SPATS1: variants seen among roughly 807,000 people sequenced by gnomAD.
SPATS1 encodes spermatogenesis associated serine rich 1.
A neutral mutation model predicts 33.6 loss-of-function variants in SPATS1; 23 were observed. The observed-to-expected ratio is 0.68, with a 90% CI of 0.49 to 0.97. SPATS1 has a LOEUF of 0.97. Among genes scored for constraint, SPATS1 ranks in the 50% least tolerant of loss-of-function variants. The probability of loss-of-function intolerance (pLI) is 0.00; values close to 1 mark genes in which losing one functional copy is unlikely to be tolerated. For missense variants in SPATS1, 327 were observed against 361.0 expected, an observed-to-expected ratio of 0.91 and a Z score of 0.76; for synonymous variants, 131 against 125.6, an observed-to-expected ratio of 1.04 and a Z score of -0.29.
chr6:44,366,216 C>T (rs1162039248), intron 5 of SPATS1, among the ~76,000 whole-genome samples: 1 of 151,786 alleles, frequency 6.6e-6, no homozygotes, highest in Non-Finnish European at 1.5e-5. Context: ...TCTCTGCCTC[C>T]CAGGTTCAAG....
chr6:44,353,494 T>C (rs539119597), intron 3 of SPATS1, among the ~76,000 whole-genome samples: 90 of 152,252 alleles, frequency 5.9e-4, no homozygotes, highest in South Asian at 4.8e-3. Context: ...CAAGCAATCT[T>C]CCCTTCTTGG....
chr6:44,353,117 T>G (rs568569087), intron 3 of SPATS1, among the ~76,000 whole-genome samples: 6 of 152,300 alleles, frequency 3.9e-5, no homozygotes, highest in Non-Finnish European at 5.9e-5. Context: ...GTTGTGAGGA[T>G]TAATTGAGTT....
At chr6:44,362,041 G>A (rs374644539) in intron 5 of SPATS1, 49 bp downstream of exon 5, 5 of 1,610,842 alleles carry the variant, frequency 3.1e-6, no homozygotes, top group East Asian at 2.2e-5. Flanking sequence ...AAAAACTCTC[G>A]AGTCGTGATT....
intron 7 of SPATS1, among the ~76,000 whole-genome samples, chr6:44,373,590 T>C (rs1789757080): frequency 6.6e-6 from 1 of 152,226 alleles, no homozygotes; most frequent in African/African-American, 2.4e-5. Flanking sequence ...CTTTAAATAG[T>C]GTAGTAATTG....
chr6:44,360,613 C>A, intron 4 of SPATS1, 43 bp downstream of exon 4: 1 of 1,610,270 alleles, frequency 6.2e-7, no homozygotes, highest in South Asian at 1.1e-5. Flanking sequence ...TGCCCCAGGT[C>A]TTTTCAGAAG....
At position 44,352,192 on chromosome 6, in the gene SPATS1, G is replaced by T. The variant is rs547331224; in HGVS notation, c.140-534G>T. 1.7e-3 allele frequency among the ~76,000 whole-genome samples: 260 copies of T among 152,214 alleles called. 17 individuals carry two copies. In the South Asian group the frequency reaches 0.052, roughly 31 times the overall value. On this transcript the variant is annotated intron_variant, in intron 2 of 8. Coordinates refer to ENST00000674044, the MANE Select transcript of SPATS1 (RefSeq NM_001372081.1). Reference sequence around the variant, plus strand: ...GTTGCCCAGGCTGGAGTGCAGTCATGTGATCTCGGCTCACTGCAACCTCTG... The same window carrying T: ...GTTGCCCAGGCTGGAGTGCAGTCATTTGATCTCGGCTCACTGCAACCTCTG...
chr6:44,357,505 C>T (rs1209837000), intron 3 of SPATS1, among the ~76,000 whole-genome samples: 3 of 152,130 alleles, frequency 2.0e-5, no homozygotes, highest in Non-Finnish European at 4.4e-5. Flanking sequence ...TCCTCAGCTC[C>T]CTGAATAGCT....
chr6:44,350,737 A>T (rs1788181243), intron 2 of SPATS1, among the ~76,000 whole-genome samples: 1 of 152,240 alleles, frequency 6.6e-6, no homozygotes, highest in Non-Finnish European at 1.5e-5. Flanking sequence ...CTGCTGATAG[A>T]TGGTGGGAAT....
In SPATS1 at chr6:44,368,365, A is replaced by G; in HGVS notation, c.575-14A>G. On this transcript the variant is annotated splice_polypyrimidine_tract_variant and intron_variant, in intron 5 of 8. Transcript: ENST00000674044. ...CAGCCCTTGTATGATTTTGTTTTCA[A>G]ACCTTCTCCACAGATATTGATCCCA... is the stretch of plus-strand genomic sequence containing the variant. The G allele has an allele frequency of 6.2e-7, 1 of 1,610,772 alleles. No homozygotes were observed.
chr6:44,360,663 C>T, intron 4 of SPATS1, 93 bp downstream of exon 4: 1 of 1,431,956 alleles, frequency 7.0e-7, no homozygotes, highest in Non-Finnish European at 9.5e-7. Flanking sequence ...AGGCCCACAA[C>T]TGTCAAGCAT....
At position 44,368,376 on chromosome 6, in the gene SPATS1, C is replaced by A; in HGVS notation, c.575-3C>A. 1 of 1,612,300 alleles carries A rather than the reference C, an allele frequency of 6.2e-7. No individual in the cohort carries two copies. The highest frequency in any genetic ancestry group is 8.5e-7 in the Non-Finnish European group (1 of 1,179,230). ...TGATTTTGTTTTCAAACCTTCTCCA[C>A]AGATATTGATCCCAGGAATGGAATC... On this transcript the variant is annotated splice_polypyrimidine_tract_variant and splice_region_variant and intron_variant, in intron 5 of 8. Coordinates refer to ENST00000674044, the MANE Select transcript of SPATS1 (RefSeq NM_001372081.1).
intron 7 of SPATS1, 101 bp downstream of exon 7, chr6:44,370,214 G>C: frequency 1.8e-6 from 2 of 1,091,924 alleles, no homozygotes; most frequent in Non-Finnish European, 2.7e-6. Context: ...CCAGGACACA[G>C]GGCCCTTTTG....
intron 2 of SPATS1, 75 bp downstream of exon 2, chr6:44,343,309 G>A (rs771858079): frequency 5.0e-5 from 77 of 1,545,926 alleles, no homozygotes; most frequent in Non-Finnish European, 6.7e-5. Context: ...GCGGGGGCAG[G>A]TGGGGGGCAC....
At chr6:44,353,765 A>AG (rs1348941931) in intron 3 of SPATS1, among the ~76,000 whole-genome samples, 1 of 151,234 alleles carries the variant, frequency 6.6e-6, no homozygotes, top group Admixed American at 6.6e-5. Context: ...CAGCCGGGCA[A>AG]GGTGGCTCAC....
chr6:44,346,889 G>A (rs1243435936), intron 2 of SPATS1, among the ~76,000 whole-genome samples: 2 of 152,090 alleles, frequency 1.3e-5, no homozygotes, highest in Non-Finnish European at 2.9e-5. Context: ...GTACCCAAAG[G>A]ATTATAAATC....
rs70993448 is a variant in SPATS1 at position 44,344,390 on chromosome 6, CGTGT to C, written c.139+1186_139+1189del. Among the ~76,000 whole-genome samples the C allele has an allele frequency of 9.1e-3, 1,322 of 145,568 alleles. 9 individuals carry two copies. Among genetic ancestry groups the C allele is most frequent in the African/African-American group, 0.017 (655 of 39,106 alleles). On this transcript the variant is annotated intron_variant, in intron 2 of 8. Transcript: ENST00000674044. ...GGGCTCCACAAACCAATTGAAGATA[CGTGT>C]GTGTGTGTGTGTGTGTGTGTGTGTG...
intron 2 of SPATS1, among the ~76,000 whole-genome samples, chr6:44,350,816 G>C (rs1447731284): frequency 6.6e-6 from 1 of 152,236 alleles, no homozygotes; most frequent in East Asian, 1.9e-4. Context: ...ACTGCCCATA[G>C]TAAATATTCA....
chr6:44,357,326 A>C (rs1026177224), intron 3 of SPATS1, among the ~76,000 whole-genome samples: 2 of 151,952 alleles, frequency 1.3e-5, no homozygotes, highest in South Asian at 2.1e-4. Context: ...CGTCTATGCT[A>C]TTCTCCTTTT....
At chr6:44,346,827 A>C (rs1787916943) in intron 2 of SPATS1, among the ~76,000 whole-genome samples, 1 of 152,210 alleles carries the variant, frequency 6.6e-6, no homozygotes, top group Non-Finnish European at 1.5e-5. Flanking sequence ...CAATTCCTCA[A>C]GGATCTAGAA....
Sources: allele counts gnomAD v4.1 joint callset (sites outside exome capture counted in the v4.1 genomes callset), GRCh38; gene constraint gnomAD v4.1.1; transcripts MANE v1.5; gene names NCBI Gene and HGNC (gene_info 2026-07-23, HGNC 2026-07-21).